The following TMEM132B variants were observed in gnomAD, a reference collection of about 807,000 sequenced individuals.
The protein encoded by TMEM132B is transmembrane protein 132B.
Under a neutral mutation model 90.8 loss-of-function variants are expected in TMEM132B, and 18 were observed. The ratio of observed to expected loss-of-function variants is 0.20; its 90% CI spans 0.14 to 0.29. TMEM132B has a LOEUF of 0.29. TMEM132B is among the 10% of genes least tolerant of loss of function. The pLI is 1.00. For missense variants in TMEM132B, 1,096 were observed against 1,326.8 expected (o/e 0.83, Z 2.70); for synonymous variants, 504 against 523.3 (o/e 0.96, Z 0.50).
At chr12:125,348,747 G>T (rs1877452304) in intron 1 of TMEM132B, among the ~76,000 whole-genome samples, 2 of 152,178 alleles carry the variant, frequency 1.3e-5, no homozygotes, top group Admixed American at 1.3e-4. Context: ...AAGTAACTTG[G>T]TGAAGGTTGC....
chr12:125,536,253 G>A (rs541735969), intron 4 of TMEM132B, among the ~76,000 whole-genome samples: 1 of 152,200 alleles, frequency 6.6e-6, no homozygotes, highest in African/African-American at 2.4e-5. Context: ...TTAAACAGAG[G>A]CTGCTGTCCT....
intron 1 of TMEM132B, among the ~76,000 whole-genome samples, chr12:125,321,112 A>G (rs555267731): frequency 6.6e-6 from 1 of 152,342 alleles, no homozygotes; most frequent in East Asian, 1.9e-4. Context: ...TTAGGAACTG[A>G]GAGTTCTGGA....
At chr12:125,317,941 C>T (rs1876327930) in intron 1 of TMEM132B, among the ~76,000 whole-genome samples, 1 of 152,188 alleles carries the variant, frequency 6.6e-6, no homozygotes, top group South Asian at 2.1e-4. Flanking sequence ...ATCACAGAAG[C>T]TTGGAACCAA....
At chr12:125,563,598 C>CAAAA (rs77003788) in intron 4 of TMEM132B, among the ~76,000 whole-genome samples, 174 of 150,280 alleles carry the variant, frequency 1.2e-3, no homozygotes, top group African/African-American at 3.8e-3. Flanking sequence ...AACAAACAAA[C>CAAAA]AAAAAAAAAC....
At chr12:125,245,615 C>T (rs1874189780) in intron 1 of TMEM132B, among the ~76,000 whole-genome samples, 1 of 152,326 alleles carries the variant, frequency 6.6e-6, no homozygotes, top group Non-Finnish European at 1.5e-5. Flanking sequence ...CAGTGTCAGA[C>T]CTAGCTGGTC....
At position 125,505,967 on chromosome 12, in the gene TMEM132B, C is replaced by T. The variant is rs114624400; in HGVS notation, c.1107-13472C>T. Among the ~76,000 whole-genome samples, 965 of 152,250 alleles carry T rather than the reference C, an allele frequency of 6.3e-3. 5 individuals carry two copies. The highest frequency in any genetic ancestry group is 8.2e-3 in the Admixed American group (125 of 15,300). On this transcript the variant is annotated intron_variant, in intron 3 of 8. Coordinates refer to ENST00000682704, the MANE Select transcript of TMEM132B (RefSeq NM_001366854.1). ...AATGCTTATAAATTTCCCAATTTTG[C>T]GAAAGACCTATACTTGTCATATGAC...
intron 5 of TMEM132B, among the ~76,000 whole-genome samples, chr12:125,600,783 C>G (rs1885548940): frequency 6.6e-6 from 1 of 151,872 alleles, no homozygotes; most frequent in African/African-American, 2.4e-5. Context: ...ATTTACCAAG[C>G]AAATGGAAAG....
intron 1 of TMEM132B, among the ~76,000 whole-genome samples, chr12:125,338,543 T>C (rs1877055415): frequency 6.6e-6 from 1 of 152,188 alleles, no homozygotes; most frequent in African/African-American, 2.4e-5. Flanking sequence ...GGGTGTCTCA[T>C]CTTCAGAATC....
chr12:125,299,319 A>G (rs1201701154), intron 1 of TMEM132B, among the ~76,000 whole-genome samples: 2 of 151,466 alleles, frequency 1.3e-5, no homozygotes, highest in Non-Finnish European at 2.9e-5. Flanking sequence ...GGGCCCTGGG[A>G]CTCATCACTC....
intron 7 of TMEM132B, 101 bp downstream of exon 7, chr12:125,651,054 A>G (rs1886902698): frequency 1.6e-5 from 24 of 1,469,764 alleles, no homozygotes; most frequent in Non-Finnish European, 2.0e-5. Context: ...GTGCATGTGG[A>G]CATGTATATC....
At chr12:125,644,709 G>A (rs766900542) in intron 6 of TMEM132B, among the ~76,000 whole-genome samples, 1 of 152,122 alleles carries the variant, frequency 6.6e-6, no homozygotes, top group African/African-American at 2.4e-5. Context: ...ACCGTGGGCT[G>A]TGGGATAAGG....
intron 3 of TMEM132B, among the ~76,000 whole-genome samples, chr12:125,494,169 G>GGGC (rs1882446362): frequency 7.7e-6 from 1 of 129,116 alleles, no homozygotes; most frequent in Non-Finnish European, 1.6e-5. Context: ...CCCTGGAAAT[G>GGGC]ACCGCGTCCC....
chr12:125,326,711 C>G (rs192147772), intron 1 of TMEM132B: 1 of 1,593,514 alleles, frequency 6.3e-7, no homozygotes, highest in Non-Finnish European at 8.5e-7. Context: ...GCAACCAGGA[C>G]AGGGATGGGA....
chr12:125,205,779 CCACGTCCG>C (rs1278225647), intron 1 of TMEM132B, among the ~76,000 whole-genome samples: 3 of 152,246 alleles, frequency 2.0e-5, no homozygotes, highest in Admixed American at 6.5e-5. Context: ...GCCTTGGAAA[CCACGTCCG>C]TCGCATTTTA....
rs185334073 is a variant in TMEM132B at position 125,406,363 on chromosome 12, C to T, written c.960-9168C>T. Among the ~76,000 whole-genome samples, 126 of 152,294 alleles carry T rather than the reference C, an allele frequency of 8.3e-4. No individual in the cohort carries two copies. Among genetic ancestry groups the T allele is most frequent in the Admixed American group, 1.6e-3 (24 of 15,294 alleles). On this transcript the variant is annotated intron_variant, in intron 2 of 8. Transcript: ENST00000682704. This position sits in a 1 kb window ranked among gnomAD's most constrained non-coding sequence, Gnocchi z 8.3. ...GCATCTGTGTATTAGCAGTGCAAGGCGGAGGACAGTGCCTGGCTTCTAGAA... is the reference window on the plus strand; with the variant it reads ...GCATCTGTGTATTAGCAGTGCAAGGTGGAGGACAGTGCCTGGCTTCTAGAA...
At chr12:125,644,932 T>C (rs1320711764) in intron 6 of TMEM132B, among the ~76,000 whole-genome samples, 11 of 152,138 alleles carry the variant, frequency 7.2e-5, no homozygotes, top group Admixed American at 5.9e-4. Flanking sequence ...CATACTATAG[T>C]AGACAGTTCT....
chr12:125,515,675 ACT>A (rs1421728579), intron 3 of TMEM132B, among the ~76,000 whole-genome samples: 4 of 150,280 alleles, frequency 2.7e-5, no homozygotes, highest in Admixed American at 6.6e-5. Context: ...TCTTTCTCAC[ACT>A]CACACACATT....
intron 4 of TMEM132B, among the ~76,000 whole-genome samples, chr12:125,581,249 TC>T (rs770569275): frequency 6.6e-6 from 1 of 152,334 alleles, no homozygotes; most frequent in South Asian, 2.1e-4. Flanking sequence ...CTTTTCTCTT[TC>T]CCTAGTGTCT....
At chr12:125,517,348 TTTTTTTTTTTTTTTTTTGCATTTTTA>T (rs1883190435) in intron 3 of TMEM132B, among the ~76,000 whole-genome samples, 1 of 66,432 alleles carries the variant, frequency 1.5e-5, no homozygotes, top group African/African-American at 6.0e-5. Flanking sequence ...TTTTTTTTTT[TTTTTTTTTTTTTTTTTTGCATTTTTA>T]GTAGAGACGG....
Sources: gnomAD v4.1 joint callset for allele counts (sites outside exome capture counted in the v4.1 genomes callset) on GRCh38, gnomAD v4.1.1 for gene constraint, Gnocchi (gnomAD v3.1) non-coding constraint, MANE v1.5 for transcripts, NCBI Gene and HGNC (gene_info 2026-07-23, HGNC 2026-07-21) for gene names.